The following ZNF165 variants were observed in gnomAD, a reference collection of about 807,000 sequenced individuals.
The protein encoded by ZNF165 is cancer/testis antigen 53.
In ZNF165, 14 loss-of-function variants were observed where a neutral mutation model predicts 19.6. The observed-to-expected ratio is 0.71, with a 90% CI of 0.47 to 1.12. The LOEUF (loss-of-function observed/expected upper bound fraction) is 1.12. Ranked by LOEUF, ZNF165 falls within the 50% of genes most tolerant of loss-of-function variation. The probability of loss-of-function intolerance (pLI) is 0.00; values close to 1 mark genes in which losing one functional copy is unlikely to be tolerated. For synonymous variants in ZNF165, 165 were observed against 195.0 expected (o/e 0.85, Z 1.28); for missense variants, 504 against 566.3 (o/e 0.89, Z 1.12).
intron 3 of ZNF165, among the ~76,000 whole-genome samples, chr6:28,087,236 G>GTTTGT (rs1164948064): frequency 4.6e-5 from 7 of 152,106 alleles, no homozygotes; most frequent in South Asian, 2.1e-4. Context: ...TTTTTGGTTT[G>GTTTGT]TTTGTTTTGT....
chr6:28,083,919 A>G (rs535874041), intron 1 of ZNF165, among the ~76,000 whole-genome samples: 2 of 152,332 alleles, frequency 1.3e-5, no homozygotes, highest in East Asian at 1.9e-4. Flanking sequence ...TACAATGTAT[A>G]TGTCATGTGA....
intron 1 of ZNF165, among the ~76,000 whole-genome samples, chr6:28,083,910 A>G (rs889095451): frequency 7.2e-5 from 11 of 152,250 alleles, no homozygotes; most frequent in Non-Finnish European, 1.3e-4. Flanking sequence ...ACAAACATGT[A>G]CAATGTATAT....
chr6:28,088,281 A>G (rs948091191), intron 3 of ZNF165, among the ~76,000 whole-genome samples: 2 of 152,068 alleles, frequency 1.3e-5, no homozygotes, highest in African/African-American at 4.8e-5. Flanking sequence ...TCCGTACTCT[A>G]TCTCCCCCTA....
intron 3 of ZNF165, among the ~76,000 whole-genome samples, chr6:28,087,877 T>A (rs544210791): frequency 6.6e-6 from 1 of 152,274 alleles, no homozygotes; most frequent in East Asian, 1.9e-4. Flanking sequence ...TTAATGACCA[T>A]TAGTCTAGTA....
intron 1 of ZNF165, among the ~76,000 whole-genome samples, chr6:28,081,801 C>A (rs995871060): frequency 6.6e-6 from 1 of 152,166 alleles, no homozygotes; most frequent in Non-Finnish European, 1.5e-5. Flanking sequence ...CCTCCTAACA[C>A]AATATTATAA....
rs576964727 is a variant in ZNF165, at chr6:28,087,370, C to T, written c.550+1060C>T. 3.3e-5 allele frequency among the ~76,000 whole-genome samples: 5 copies of T among 152,240 alleles called. No individual in the cohort carries two copies. In the East Asian group the frequency reaches 7.7e-4, roughly 24 times the overall value. ...AAGCAATTATCCTGCCTCAGCCTCC[C>T]GAGTAGCTGAGATTACATGTGCCTG... On this transcript the variant is annotated intron_variant, in intron 3 of 3. Transcript: ENST00000683778.
chr6:28,084,962 G>T (rs1376459951), intron 1 of ZNF165, among the ~76,000 whole-genome samples: 1 of 151,964 alleles, frequency 6.6e-6, no homozygotes, highest in African/African-American at 2.4e-5. Context: ...TTACCCAATT[G>T]TTCAGACTGT....
chr6:28,088,565 A>C lies in ZNF165; in HGVS notation c.553A>C (p.Asn185His). Residue 185 changes from asparagine to histidine, a missense_variant and splice_region_variant, in exon 4 of 4, where the codon AAT becomes CAT. Coordinates refer to ENST00000683778, the MANE Select transcript of ZNF165 (RefSeq NM_001376491.1). ...TTTCCCTTTCTTTTTTATTTTAGAT[A>C]ATGAGAGTGAAAACAGTAGATCCAT... ...SEPQLLWDCD[N>H]ESENSRSMPK... is the part of the protein sequence containing the mutation. 1 of 1,574,616 alleles carries C rather than the reference A, an allele frequency of 6.4e-7. No individual in the cohort carries two copies. The highest frequency in any genetic ancestry group is 8.6e-7 in the Non-Finnish European group (1 of 1,165,508).
At chr6:28,082,347 G>T (rs766754080) in intron 1 of ZNF165, among the ~76,000 whole-genome samples, 1 of 152,108 alleles carries the variant, frequency 6.6e-6, no homozygotes, top group Non-Finnish European at 1.5e-5. Flanking sequence ...ACCCAGTGGC[G>T]CTAGAGGAAT....
chr6:28,082,320 C>G (rs959486856), intron 1 of ZNF165, among the ~76,000 whole-genome samples: 8 of 151,588 alleles, frequency 5.3e-5, no homozygotes, highest in African/African-American at 1.5e-4. Context: ...AAGACAAGCT[C>G]GGTCATGGAG....
At position 28,086,216 on chromosome 6, in the gene ZNF165, G is replaced by A; in HGVS notation, c.456G>A (p.Val152=). 1 of 1,614,158 alleles carries A rather than the reference G, an allele frequency of 6.2e-7. No individual in the cohort carries two copies. Among genetic ancestry groups the A allele is most frequent in the South Asian group, 1.1e-5 (1 of 91,088 alleles). The change falls in exon 3 of 4, where the codon GTG becomes GTA. Residue 152 remains valine (V), a synonymous_variant. Coordinates refer to ENST00000683778, the MANE Select transcript of ZNF165 (RefSeq NM_001376491.1). ...EHGQEIFQKK[V]SPPGPALNVK... ...GACAAGAAATATTCCAGAAAAAAGTGTCACCTCCTGGACCAGCACTTAATG... is the reference window on the plus strand; with the variant it reads ...GACAAGAAATATTCCAGAAAAAAGTATCACCTCCTGGACCAGCACTTAATG...
At chr6:28,086,437 G>A (rs1764277851) in intron 3 of ZNF165, 127 bp downstream of exon 3, 3 of 1,370,926 alleles carry the variant, frequency 2.2e-6, no homozygotes, top group Admixed American at 2.7e-5. Context: ...GAGAGAACTT[G>A]TGGCCAGGTG....
rs764112819 is a variant in ZNF165, at chr6:28,085,467, T to C, written c.1-14T>C. The stretch of plus-strand genomic sequence containing the variant: ...CCTTTCCAAAGCAGTTCTGATAATA[T>C]ATTCTATCCACAGATGGCTACAGAA... On this transcript the variant is annotated splice_polypyrimidine_tract_variant and intron_variant, in intron 1 of 3. Transcript: ENST00000683778. 6.3e-7 allele frequency: 1 copy of C among 1,598,142 alleles called. No homozygotes were observed. Among genetic ancestry groups the C allele is most frequent in the South Asian group, 1.1e-5 (1 of 88,290 alleles).
chr6:28,089,252 C>T lies in ZNF165; in HGVS notation c.1240C>T (p.His414Tyr). 2 of 1,614,110 alleles carry T rather than the reference C, an allele frequency of 1.2e-6. No individual in the cohort carries two copies. ...ECGRAFNLNSHLIRHQRIHTR... is the reference protein window; with the variant it reads ...ECGRAFNLNSYLIRHQRIHTR... Reference sequence around the variant, plus strand: ...TGGGAGAGCATTCAACCTGAACTCACATCTTATCAGGCATCAGAGAATTCA... The same window carrying T: ...TGGGAGAGCATTCAACCTGAACTCATATCTTATCAGGCATCAGAGAATTCA... Residue 414 changes from histidine (H) to tyrosine (Y), a missense_variant, in exon 4 of 4, where the codon CAT becomes TAT. His to Tyr is a moderately conservative substitution (Grantham distance 83). Transcript: ENST00000683778.
At chr6:28,082,976 A>C (rs1764189747) in intron 1 of ZNF165, among the ~76,000 whole-genome samples, 1 of 150,000 alleles carries the variant, frequency 6.7e-6, no homozygotes, top group Admixed American at 6.7e-5. Context: ...CCTTAACCTC[A>C]TGGAACATCA....
rs1764369418 is a variant in ZNF165, at chr6:28,089,109, A to G, written c.1097A>G (p.His366Arg). 1 of 1,614,088 alleles carries G rather than the reference A, an allele frequency of 6.2e-7. No homozygotes were observed. The highest frequency in any genetic ancestry group is 1.3e-5 in the African/African-American group (1 of 74,952). ...SSKLARHQRIHTGERCYECNE... is the reference protein window; with the variant it reads ...SSKLARHQRIRTGERCYECNE... ...AAACTTGCTAGGCATCAGAGAATCC[A>G]CACTGGAGAGAGATGCTATGAATGT... Residue 366 changes from histidine (H) to arginine (R), a missense_variant, in exon 4 of 4, where the codon CAC (histidine) becomes CGC (arginine). By Grantham distance (29) the His-to-Arg change is conservative. Transcript: ENST00000683778.
chr6:28,087,547 A>G (rs1279668003), intron 3 of ZNF165, among the ~76,000 whole-genome samples: 2 of 152,198 alleles, frequency 1.3e-5, no homozygotes, highest in Non-Finnish European at 2.9e-5. Context: ...CCTGGCCACA[A>G]TTAATTTTTA....
intron 2 of ZNF165, 129 bp downstream of exon 2, chr6:28,086,020 G>C: frequency 1.3e-6 from 2 of 1,492,778 alleles, no homozygotes; most frequent in South Asian, 1.3e-5. Flanking sequence ...CTCCTTTCCT[G>C]TCTGTTTGAT....
At position 28,089,144 on chromosome 6, in the gene ZNF165, G is replaced by A; in HGVS notation, c.1132G>A (p.Gly378Arg). The change falls in exon 4 of 4, where the codon GGG becomes AGG. Residue 378 changes from glycine (G) to arginine (R), a missense_variant. Coordinates refer to ENST00000683778, the MANE Select transcript of ZNF165 (RefSeq NM_001376491.1). ...GAGATGCTATGAATGTAATGAATGT[G>A]GGAAAAGCTTTGCAGAGAGCTCAGA... ...GERCYECNEC[G>R]KSFAESSDLT... is the part of the protein sequence containing the mutation. The A allele has an allele frequency of 3.1e-6, 5 of 1,614,198 alleles. No homozygotes were observed. The highest frequency in any genetic ancestry group is 4.2e-6 in the Non-Finnish European group (5 of 1,180,028).
Sources: gnomAD v4.1 joint callset for allele counts (sites outside exome capture counted in the v4.1 genomes callset) on GRCh38, gnomAD v4.1.1 for gene constraint, MANE v1.5 for transcripts, NCBI Gene and HGNC (gene_info 2026-07-23, HGNC 2026-07-21) for gene names.